The following TNFRSF10D variants were observed in gnomAD, a reference collection of about 807,000 sequenced individuals.
TNFRSF10D encodes tumor necrosis factor receptor superfamily member 10D.
Under a neutral mutation model 42.1 loss-of-function variants are expected in TNFRSF10D, and 28 were observed. The ratio of observed to expected loss-of-function variants is 0.66; its 90% CI spans 0.49 to 0.91. The LOEUF (loss-of-function observed/expected upper bound fraction) is 0.91, where lower values mean the gene tolerates loss of function less well. Among genes scored for constraint, TNFRSF10D ranks in the 40% least tolerant of loss-of-function variants. The pLI is 0.00. For synonymous variants in TNFRSF10D, 186 were observed against 189.4 expected (o/e 0.98, Z 0.15); for missense variants, 503 against 486.1 (o/e 1.03, Z -0.33).
At chr8:23,155,755 C>G (rs1800269503) in intron 1 of TNFRSF10D, among the ~76,000 whole-genome samples, 1 of 151,598 alleles carries the variant, frequency 6.6e-6, no homozygotes, top group African/African-American at 2.4e-5. Flanking sequence ...GCCCTTCAAG[C>G]AGAAATAGCA....
intron 5 of TNFRSF10D, 75 bp downstream of exon 5, chr8:23,145,593 T>C: frequency 6.2e-7 from 1 of 1,602,840 alleles, no homozygotes. Context: ...GGATGGGGAT[T>C]ACTGTCTGTG....
intron 7 of TNFRSF10D, among the ~76,000 whole-genome samples, chr8:23,142,670 T>A (rs4242391): frequency 6.6e-6 from 1 of 151,888 alleles, no homozygotes; most frequent in Non-Finnish European, 1.5e-5. Context: ...CTGGATAAAA[T>A]CATTCATACC....
At chr8:23,147,126 C>A in intron 3 of TNFRSF10D, 54 bp from the exon 4 acceptor site, 2 of 1,434,928 alleles carry the variant, frequency 1.4e-6, no homozygotes, top group Non-Finnish European at 2.0e-6. Context: ...TGTCTGTCCA[C>A]CCTTCCTCAC....
Position 23,144,599 on chromosome 8 carries a change from G to GA in TNFRSF10D, c.804dup (p.Pro269SerfsTer14). 2 of 1,614,136 alleles carry GA rather than the reference G, an allele frequency of 1.2e-6. No individual in the cohort carries two copies. The highest frequency in any genetic ancestry group is 1.7e-6 in the Non-Finnish European group (2 of 1,180,018). On this transcript the variant is annotated frameshift_variant, in exon 7 of 9. Transcript: ENST00000312584. LOFTEE classifies it high-confidence loss of function. The stretch of plus-strand genomic sequence containing the variant: ...TTGCGGGCATTGTCCTCCGCCCCAG[G>GA]AACTCGTGAAGGACATGAACGCCGC...
At position 23,140,089 on chromosome 8, in the gene TNFRSF10D, A is replaced by G. The variant is rs550729987; in HGVS notation, c.955-1829T>C. Among the ~76,000 whole-genome samples, 81 of 152,280 alleles carry G rather than the reference A, an allele frequency of 5.3e-4. 1 individual carries two copies. The highest frequency in any genetic ancestry group is 3.4e-3 in the Middle Eastern group (1 of 294). On this transcript the variant is annotated intron_variant, in intron 7 of 8. Coordinates refer to ENST00000312584, the MANE Select transcript of TNFRSF10D (RefSeq NM_003840.5). The stretch of plus-strand genomic sequence containing the variant: ...CGGATCACAAGGTCAGGAGATCGAG[A>G]CCATCCTGGCTAACACGGTGAAACC...
At chr8:23,154,380 C>T (rs1396319274) in intron 2 of TNFRSF10D, among the ~76,000 whole-genome samples, 1 of 150,262 alleles carries the variant, frequency 6.7e-6, no homozygotes, top group Non-Finnish European at 1.5e-5. Flanking sequence ...ATGGAACAAA[C>T]TCTGCACTTA....
intron 7 of TNFRSF10D, among the ~76,000 whole-genome samples, chr8:23,140,019 G>T (rs185767192): frequency 1.3e-4 from 20 of 152,288 alleles, no homozygotes; most frequent in African/African-American, 4.8e-4. Context: ...GCTGGGTACG[G>T]TGGCTCACGC....
At position 23,144,526 on chromosome 8, in the gene TNFRSF10D, T is replaced by A. The variant is rs1240905803; in HGVS notation, c.878A>T (p.Gln293Leu). The A allele has an allele frequency of 6.2e-7, 1 of 1,614,218 alleles. No individual in the cohort carries two copies. The highest frequency in any genetic ancestry group is 1.7e-5 in the Admixed American group (1 of 60,020). ...RYLQPTQVSEQEIQGQELAEL... is the reference protein window; with the variant it reads ...RYLQPTQVSELEIQGQELAEL... Reference sequence around the variant, plus strand: ...TGCCAGCTCCTGACCTTGGATTTCCTGCTCAGAGACCTGGGTGGGCTGCAA... The same window carrying A: ...TGCCAGCTCCTGACCTTGGATTTCCAGCTCAGAGACCTGGGTGGGCTGCAA... The change falls in exon 7 of 9, where the codon CAG becomes CTG. Residue 293 changes from glutamine (Q) to leucine (L), a missense_variant. Transcript: ENST00000312584.
At chr8:23,148,273 G>T (rs892083964) in intron 3 of TNFRSF10D, among the ~76,000 whole-genome samples, 165 bp downstream of exon 3, 11 of 150,930 alleles carry the variant, frequency 7.3e-5, no homozygotes, top group Admixed American at 2.6e-4. Context: ...AGAAAAAAAA[G>T]ATTTCTATTT....
intron 1 of TNFRSF10D, among the ~76,000 whole-genome samples, chr8:23,155,706 A>G (rs1187166872): frequency 6.6e-6 from 1 of 151,470 alleles, no homozygotes; most frequent in Non-Finnish European, 1.5e-5. Context: ...TCTCAAAAAA[A>G]AAAACAAAAA....
rs1800097586 is a variant in TNFRSF10D at position 23,145,195 on chromosome 8, A to T, written c.737-106T>A. 3.5e-6 allele frequency: 5 copies of T among 1,446,226 alleles called. No homozygotes were observed. The South Asian group carries it at 4.8e-5, about 14-fold the overall frequency. The allele number at this position is 1,446,226 out of a possible 1,614,324, so 89.6% of individuals were successfully genotyped here. On this transcript the variant is annotated intron_variant, in intron 5 of 8. Transcript: ENST00000312584. ...CTGGCTGGGGGCTGGGACACTGGACAAGGAGCCCTGGGGCTGGGGACAGAA... is the reference window on the plus strand; with the variant it reads ...CTGGCTGGGGGCTGGGACACTGGACTAGGAGCCCTGGGGCTGGGGACAGAA...
intron 2 of TNFRSF10D, 70 bp downstream of exon 2, chr8:23,154,804 T>TGGAAATTCCAA: frequency 6.8e-7 from 1 of 1,472,876 alleles, no homozygotes; most frequent in Admixed American, 2.0e-5. Flanking sequence ...CATCATGGTG[T>TGGAAATTCCAA]ACACCATGAA....
chr8:23,162,945 A>T (rs1301112065), intron 1 of TNFRSF10D, among the ~76,000 whole-genome samples: 1 of 152,010 alleles, frequency 6.6e-6, no homozygotes, highest in Admixed American at 6.5e-5. Flanking sequence ...TTGTTAAGGC[A>T]GAGTCTCGCT....
Position 23,148,255 on chromosome 8 carries a change from A to G in TNFRSF10D, c.370+183T>C, listed in dbSNP as rs540370105. Among the ~76,000 whole-genome samples, 5 of 151,566 alleles carry G rather than the reference A, an allele frequency of 3.3e-5. No individual in the cohort carries two copies. The East Asian group carries it at 5.8e-4, about 18-fold the overall frequency. On this transcript the variant is annotated intron_variant, in intron 3 of 8. Coordinates refer to ENST00000312584, the MANE Select transcript of TNFRSF10D (RefSeq NM_003840.5). ...ACTGTCTTCAAAAAAATAAATAAATAAAAGAAAAGAAAAAAAAGATTTCTA... is the reference window on the plus strand; with the variant it reads ...ACTGTCTTCAAAAAAATAAATAAATGAAAGAAAAGAAAAAAAAGATTTCTA...
chr8:23,139,930 T>A (rs1419724998), intron 7 of TNFRSF10D, among the ~76,000 whole-genome samples: 2 of 151,274 alleles, frequency 1.3e-5, no homozygotes. Flanking sequence ...CGGATCACGA[T>A]GTCAAGAGTT....
intron 6 of TNFRSF10D, 98 bp downstream of exon 6, chr8:23,144,960 C>A: frequency 1.3e-6 from 2 of 1,554,214 alleles, no homozygotes; most frequent in Non-Finnish European, 1.8e-6. Flanking sequence ...GTCAGGGCAG[C>A]CATGAGGACA....
At chr8:23,146,882 C>T (rs1035546764) in intron 4 of TNFRSF10D, 79 bp downstream of exon 4, 15 of 1,233,296 alleles carry the variant, frequency 1.2e-5, no homozygotes, top group Middle Eastern at 1.9e-4. Flanking sequence ...ATGGGGTCAG[C>T]GGAGAGATAG....
In TNFRSF10D at chr8:23,138,002, G is replaced by C; in HGVS notation, c.1029C>G (p.Ile343Met). 1 of 1,614,104 alleles carries C rather than the reference G, an allele frequency of 6.2e-7. No homozygotes were observed. The change falls in exon 9 of 9, where the codon ATC becomes ATG. Residue 343 changes from isoleucine (I) to methionine (M), a missense_variant and splice_region_variant. Physicochemically the swap from Ile to Met is conservative, Grantham distance 10 (BLOSUM62 1). Coordinates refer to ENST00000312584, the MANE Select transcript of TNFRSF10D (RefSeq NM_003840.5). ...TTGCCGAGGCATCCAGCAAGGTGCT[G>C]ACTGAGAAGAGAGAAGAGATTTAGG... ...VPVNDADSAD[I>M]STLLDASATL...
chr8:23,160,593 A>G (rs1176993563), intron 1 of TNFRSF10D, among the ~76,000 whole-genome samples: 3 of 152,180 alleles, frequency 2.0e-5, no homozygotes, highest in Admixed American at 2.0e-4. Flanking sequence ...AGGAAAATCC[A>G]CTACACGAAG....
Sources: gnomAD v4.1 joint callset for allele counts (sites outside exome capture counted in the v4.1 genomes callset) on GRCh38, gnomAD v4.1.1 for gene constraint, MANE v1.5 for transcripts, NCBI Gene and HGNC (gene_info 2026-07-23, HGNC 2026-07-21) for gene names.